The following CNOT10 variants were observed in gnomAD, a reference collection of about 807,000 sequenced individuals.
CNOT10 encodes CCR4-NOT transcription complex subunit 10.
A neutral mutation model predicts 94.6 loss-of-function variants in CNOT10; 30 were observed. The ratio of observed to expected loss-of-function variants is 0.32; its 90% CI spans 0.24 to 0.43. The LOEUF (loss-of-function observed/expected upper bound fraction) is 0.43. Ranked by LOEUF, CNOT10 falls within the 20% of genes least tolerant of loss-of-function variation. CNOT10 has a pLI of 1.00. For synonymous variants in CNOT10, 289 were observed against 301.6 expected (o/e 0.96, Z 0.43); for missense variants, 759 against 877.2 (o/e 0.87, Z 1.70).
intron 1 of CNOT10, among the ~76,000 whole-genome samples, chr3:32,703,078 A>ATTTTTTTT (rs67920905): frequency 1.0e-4 from 13 of 124,254 alleles, no homozygotes; most frequent in Non-Finnish European, 1.1e-4. Context: ...CGCCAAGCTA[A>ATTTTTTTT]TTTTTTTTTT....
intron 7 of CNOT10, among the ~76,000 whole-genome samples, chr3:32,717,821 G>A (rs937358283): frequency 6.6e-6 from 1 of 152,122 alleles, no homozygotes; most frequent in Non-Finnish European, 1.5e-5. Context: ...AGCTGAGATC[G>A]TGTCATTTCA....
rs1700355624 is a variant in CNOT10 at position 32,759,510 on chromosome 3, C to T, written c.1648C>T (p.Leu550Phe). 1 of 1,614,084 alleles carries T rather than the reference C, an allele frequency of 6.2e-7. No individual in the cohort carries two copies. The highest frequency in any genetic ancestry group is 8.5e-7 in the Non-Finnish European group (1 of 1,179,994). The change falls in exon 14 of 19, where the codon CTC (leucine) becomes TTC (phenylalanine). Residue 550 changes from leucine to phenylalanine, a missense_variant. Leu to Phe is a conservative substitution (Grantham distance 22, BLOSUM62 0). Around this residue, in one of 3 missense-constraint regions of CNOT10, gnomAD observed 682 missense variants for 799.4 expected, o/e 0.85. Coordinates refer to ENST00000328834, the MANE Select transcript of CNOT10 (RefSeq NM_015442.3). ...AYVALALGDN[L>F]MALNHADKLL... The stretch of plus-strand genomic sequence containing the variant: ...CGTGGCTCTGGCTTTGGGTGATAAC[C>T]TCATGGCTTTGAATCATGCAGATAA...
intron 13 of CNOT10, among the ~76,000 whole-genome samples, chr3:32,759,074 A>C (rs1700328691): frequency 6.6e-6 from 1 of 152,080 alleles, no homozygotes; most frequent in Admixed American, 6.6e-5. Flanking sequence ...CTTTATTCCT[A>C]GGTTATTAAA....
At chr3:32,720,072 T>C (rs747044767) in intron 7 of CNOT10, 42 bp from the exon 8 acceptor site, 2 of 1,032,634 alleles carry the variant, frequency 1.9e-6, no homozygotes, top group Non-Finnish European at 2.9e-6. Context: ...ACATTAGGCG[T>C]CTGAAAACAA....
At chr3:32,748,184 C>G (rs1179670166) in intron 13 of CNOT10, among the ~76,000 whole-genome samples, 1 of 152,164 alleles carries the variant, frequency 6.6e-6, no homozygotes, top group Non-Finnish European at 1.5e-5. Context: ...TTCTCTTGAA[C>G]AGAGCTGCTC....
At chr3:32,713,504 A>G in intron 5 of CNOT10, 135 bp downstream of exon 5, 1 of 672,036 alleles carries the variant, frequency 1.5e-6, no homozygotes, top group Non-Finnish European at 2.4e-6. Flanking sequence ...CAGCTTAAAG[A>G]TACAATTTTC....
chr3:32,720,606 C>G (rs951182415), intron 8 of CNOT10, among the ~76,000 whole-genome samples: 1 of 151,974 alleles, frequency 6.6e-6, no homozygotes, highest in Admixed American at 6.6e-5. Flanking sequence ...GATCCTCCCA[C>G]CTCACCCTCC....
At chr3:32,706,181 G>A (rs1023732287) in intron 3 of CNOT10, among the ~76,000 whole-genome samples, 6 of 152,076 alleles carry the variant, frequency 3.9e-5, no homozygotes, top group South Asian at 4.1e-4. Flanking sequence ...CATTACTCCA[G>A]TATTATTACT....
At chr3:32,713,391 G>C in intron 5 of CNOT10, 22 bp downstream of exon 5, 1 of 1,548,972 alleles carries the variant, frequency 6.5e-7, no homozygotes, top group Non-Finnish European at 8.7e-7. Context: ...GAGGTGATCA[G>C]ACTAAAATCT....
intron 13 of CNOT10, among the ~76,000 whole-genome samples, chr3:32,750,970 G>A (rs1699940013): frequency 6.6e-6 from 1 of 152,146 alleles, no homozygotes; most frequent in Non-Finnish European, 1.5e-5. Context: ...GATATTAGCT[G>A]AACTTAATGG....
intron 3 of CNOT10, among the ~76,000 whole-genome samples, chr3:32,707,514 A>G (rs529818894): frequency 9.2e-5 from 14 of 152,306 alleles, no homozygotes; most frequent in Admixed American, 5.2e-4. Flanking sequence ...GAAATTATCT[A>G]TGTCCTCGGC....
chr3:32,697,839 G>A (rs1697149222), intron 1 of CNOT10, among the ~76,000 whole-genome samples: 1 of 152,106 alleles, frequency 6.6e-6, no homozygotes, highest in Non-Finnish European at 1.5e-5. Context: ...TTGGCATTTG[G>A]TTTAAATTAT....
intron 13 of CNOT10, among the ~76,000 whole-genome samples, chr3:32,740,718 C>T (rs1017815227): frequency 6.6e-6 from 1 of 151,432 alleles, no homozygotes; most frequent in Non-Finnish European, 1.5e-5. Flanking sequence ...AAAAATTAGC[C>T]GGGCGTGGTG....
intron 17 of CNOT10, among the ~76,000 whole-genome samples, chr3:32,767,876 A>T (rs1179042707): frequency 6.6e-6 from 1 of 152,166 alleles, no homozygotes; most frequent in Non-Finnish European, 1.5e-5. Context: ...CTAAAGTTAC[A>T]GTGTGTACAG....
intron 13 of CNOT10, among the ~76,000 whole-genome samples, chr3:32,742,483 G>A (rs113622817): frequency 0.02 from 2,980 of 151,580 alleles, 50 homozygotes; most frequent in East Asian, 0.047. Flanking sequence ...CCAGGTGCAA[G>A]CGACTCTCAT....
At chr3:32,748,051 T>C (rs1333275555) in intron 13 of CNOT10, among the ~76,000 whole-genome samples, 1 of 152,162 alleles carries the variant, frequency 6.6e-6, no homozygotes, top group Non-Finnish European at 1.5e-5. Flanking sequence ...TTAACCAATC[T>C]AGTCCTAACA....
intron 8 of CNOT10, among the ~76,000 whole-genome samples, chr3:32,724,666 C>G (rs1327117523): frequency 6.6e-6 from 1 of 152,180 alleles, no homozygotes; most frequent in Non-Finnish European, 1.5e-5. Flanking sequence ...CCCACCTCGG[C>G]CTCCCAAAGT....
chr3:32,739,920 C>G (rs972298653), intron 13 of CNOT10, among the ~76,000 whole-genome samples: 1 of 152,004 alleles, frequency 6.6e-6, no homozygotes, highest in Non-Finnish European at 1.5e-5. Flanking sequence ...AGTGAAACTC[C>G]GTCTCGAAAG....
chr3:32,717,075 T>G (rs1161383310), intron 6 of CNOT10, 79 bp from the exon 7 acceptor site: 1 of 754,240 alleles, frequency 1.3e-6, no homozygotes, highest in African/African-American at 1.8e-5. Flanking sequence ...TGTAAATAGA[T>G]TGGGTTTTCT....
Sources: gnomAD v4.1 joint callset for allele counts (sites outside exome capture counted in the v4.1 genomes callset) on GRCh38, gnomAD v4.1.1 for gene constraint, gnomAD v4.1.1 regional missense constraint, MANE v1.5 for transcripts, NCBI Gene and HGNC (gene_info 2026-07-23, HGNC 2026-07-21) for gene names.